Variants in YWHAE observed in about 807,000 individuals in gnomAD.
YWHAE encodes the protein tyrosine 3-monooxygenase/tryptophan 5-monooxygenase activation protein epsilon.
In YWHAE, 4 loss-of-function variants were observed where a neutral mutation model predicts 30.1. That is an observed-to-expected ratio of 0.13 (90% confidence interval 0.07 to 0.30). The LOEUF (loss-of-function observed/expected upper bound fraction) is 0.30. YWHAE is among the 10% of genes least tolerant of loss of function. The probability of loss-of-function intolerance (pLI) is 1.00; values close to 1 mark genes in which losing one functional copy is unlikely to be tolerated. For missense variants in YWHAE, 121 were observed against 315.9 expected, an observed-to-expected ratio of 0.38 and a Z score of 4.68; for synonymous variants, 118 against 111.8, an observed-to-expected ratio of 1.06 and a Z score of -0.35.
intron 1 of YWHAE, among the ~76,000 whole-genome samples, chr17:1,394,706 C>T (rs2073441661): frequency 6.6e-6 from 1 of 152,096 alleles, no homozygotes; most frequent in Non-Finnish European, 1.5e-5. Context: ...GTGGCTCATA[C>T]CTGTAATGCT....
chr17:1,378,637 G>A lies in YWHAE; in HGVS notation c.65-13579C>T, dbSNP rs74439409. On this transcript the variant is annotated intron_variant, in intron 1 of 5. Coordinates refer to ENST00000264335, the MANE Select transcript of YWHAE (RefSeq NM_006761.5). Reference sequence around the variant, plus strand: ...GACCATTTCAGGAGCAATACTACTCGTTTACTATAAAAGAAATTCAGTACA... The same window carrying A: ...GACCATTTCAGGAGCAATACTACTCATTTACTATAAAAGAAATTCAGTACA... 8.7e-3 allele frequency among the ~76,000 whole-genome samples: 1,322 copies of A among 152,256 alleles called. 12 individuals carry two copies. Among genetic ancestry groups the A allele is most frequent in the Middle Eastern group, 0.061 (18 of 294 alleles).
At chr17:1,375,878 A>G (rs1174293831) in intron 1 of YWHAE, among the ~76,000 whole-genome samples, 1 of 152,202 alleles carries the variant, frequency 6.6e-6, no homozygotes, top group Non-Finnish European at 1.5e-5. Context: ...ACTAATTCAT[A>G]AATAAAACAC....
intron 1 of YWHAE, among the ~76,000 whole-genome samples, chr17:1,398,250 C>T (rs1306646822): frequency 6.6e-6 from 1 of 151,904 alleles, no homozygotes; most frequent in Non-Finnish European, 1.5e-5. Context: ...AGGAGACTTC[C>T]AATACAAGCA....
At chr17:1,347,438 C>T (rs531468861) in intron 5 of YWHAE, among the ~76,000 whole-genome samples, 10 of 151,466 alleles carry the variant, frequency 6.6e-5, no homozygotes, top group African/African-American at 1.5e-4. Context: ...GAGCTTTGAA[C>T]GCCACTGCAC....
intron 4 of YWHAE, among the ~76,000 whole-genome samples, chr17:1,360,750 A>G (rs2072851444): frequency 6.6e-6 from 1 of 152,188 alleles, no homozygotes; most frequent in South Asian, 2.1e-4. Context: ...TGGGAGACAG[A>G]GTGAGACATG....
intron 5 of YWHAE, among the ~76,000 whole-genome samples, chr17:1,346,713 A>G (rs565451568): frequency 2.3e-4 from 35 of 152,332 alleles, no homozygotes; most frequent in Admixed American, 5.9e-4. Flanking sequence ...AACGCCGGGC[A>G]CGGTGGCTCA....
At chr17:1,385,843 C>T (rs910572770) in intron 1 of YWHAE, among the ~76,000 whole-genome samples, 3 of 152,056 alleles carry the variant, frequency 2.0e-5, no homozygotes, top group Non-Finnish European at 2.9e-5. Flanking sequence ...CTTTAGGAGG[C>T]CAAGGCAGGA....
intron 5 of YWHAE, among the ~76,000 whole-genome samples, chr17:1,347,602 A>G (rs112873403): frequency 9.2e-5 from 14 of 152,360 alleles, no homozygotes; most frequent in African/African-American, 3.4e-4. Flanking sequence ...ACTGATGGGC[A>G]CCCAACTGTT....
chr17:1,359,622 A>G (rs1276628603), intron 4 of YWHAE, among the ~76,000 whole-genome samples: 1 of 152,054 alleles, frequency 6.6e-6, no homozygotes, highest in Non-Finnish European at 1.5e-5. Context: ...GATCCCACTT[A>G]CATGAGGTAT....
intron 1 of YWHAE, among the ~76,000 whole-genome samples, chr17:1,397,509 G>A (rs971433125): frequency 6.6e-6 from 1 of 152,134 alleles, no homozygotes; most frequent in Admixed American, 6.6e-5. Flanking sequence ...ATACAAAGAA[G>A]TTTAGGCACT....
chr17:1,386,725 G>T (rs1051989062), intron 1 of YWHAE, among the ~76,000 whole-genome samples: 2 of 152,156 alleles, frequency 1.3e-5, no homozygotes, highest in African/African-American at 4.8e-5. Flanking sequence ...CAAGGCAGGC[G>T]GATCACCTGA....
At chr17:1,390,184 C>G (rs1291858627) in intron 1 of YWHAE, among the ~76,000 whole-genome samples, 1 of 152,260 alleles carries the variant, frequency 6.6e-6, no homozygotes, top group African/African-American at 2.4e-5. Flanking sequence ...CAAATTCAGA[C>G]AAAAGGTGTT....
chr17:1,377,761 C>T (rs1335756074), intron 1 of YWHAE, among the ~76,000 whole-genome samples: 1 of 152,160 alleles, frequency 6.6e-6, no homozygotes, highest in African/African-American at 2.4e-5. Flanking sequence ...TATGTAAAGA[C>T]TTCCTGGCTG....
chr17:1,364,112 G>A (rs1229029976), intron 2 of YWHAE, among the ~76,000 whole-genome samples: 1 of 150,792 alleles, frequency 6.6e-6, no homozygotes, highest in African/African-American at 2.4e-5. Flanking sequence ...CCTACAATAA[G>A]AAACATTTTA....
chr17:1,383,865 G>T (rs953813915), intron 1 of YWHAE, among the ~76,000 whole-genome samples: 1 of 151,874 alleles, frequency 6.6e-6, no homozygotes, highest in African/African-American at 2.4e-5. Context: ...GTTCAAGACC[G>T]GCCTGGGCAA....
chr17:1,377,546 C>T (rs1598258548), intron 1 of YWHAE, among the ~76,000 whole-genome samples: 1 of 152,062 alleles, frequency 6.6e-6, no homozygotes, highest in African/African-American at 2.4e-5. Context: ...CCCAGGAGTC[C>T]GAGGCCACAG....
At chr17:1,381,153 C>T (rs562617223) in intron 1 of YWHAE, among the ~76,000 whole-genome samples, 4 of 152,250 alleles carry the variant, frequency 2.6e-5, no homozygotes, top group Non-Finnish European at 5.9e-5. Context: ...GGGAGGCTAA[C>T]AATCACTTGA....
rs1231422142 is a variant in YWHAE, at chr17:1,361,166, A to T, written c.504T>A (p.Pro168=). The T allele has an allele frequency of 1.9e-6, 3 of 1,614,184 alleles. No individual in the cohort carries two copies. Among genetic ancestry groups the T allele is most frequent in the Non-Finnish European group, 2.5e-6 (3 of 1,180,036 alleles). The change falls in exon 4 of 6, where the codon CCT becomes CCA. Residue 168 remains proline (P), a synonymous_variant. Transcript: ENST00000264335. ...AATTGAGAGCAAGACCTAAGCGAAT[A>T]GGATGCGTTGGTGGAAGTTCTGTCA... The part of the protein sequence containing the change: ...IAMTELPPTH[P]IRLGLALNFS...
At chr17:1,359,954 GA>G (rs144477066) in intron 4 of YWHAE, among the ~76,000 whole-genome samples, 29,354 of 79,256 alleles carry the variant, frequency 0.37, 6,984 homozygotes, top group Admixed American at 0.53. Flanking sequence ...GGGGGGGAGA[GA>G]GGGGGAGAGA....
Sources: allele counts gnomAD v4.1 joint callset (sites outside exome capture counted in the v4.1 genomes callset), GRCh38; gene constraint gnomAD v4.1.1; transcripts MANE v1.5; gene names NCBI Gene and HGNC (gene_info 2026-07-23, HGNC 2026-07-21).